Variants in TLN2 observed in about 807,000 individuals in gnomAD.
TLN2 encodes talin-2.
Under a neutral mutation model 294.7 loss-of-function variants are expected in TLN2, and 118 were observed. That is an observed-to-expected ratio of 0.40 (90% confidence interval 0.34 to 0.47). The LOEUF is 0.47. Ranked by LOEUF, TLN2 falls within the 20% of genes least tolerant of loss-of-function variation. The probability of loss-of-function intolerance (pLI) is 0.84; values close to 1 mark genes in which losing one functional copy is unlikely to be tolerated. For synonymous variants in TLN2, 1,431 were observed against 1,304.5 expected (o/e 1.10, Z -2.09); for missense variants, 3,083 against 3,282.2 (o/e 0.94, Z 1.48).
chr15:62,522,723 A>AT (rs2040522512), intron 1 of TLN2, among the ~76,000 whole-genome samples: 1 of 151,434 alleles, frequency 6.6e-6, no homozygotes, highest in Non-Finnish European at 1.5e-5. Flanking sequence ...TTCTTGTTGT[A>AT]TTTTTTTCTG....
chr15:62,533,034 G>A (rs1441403015), intron 1 of TLN2, among the ~76,000 whole-genome samples: 1 of 151,880 alleles, frequency 6.6e-6, no homozygotes, highest in Non-Finnish European at 1.5e-5. Flanking sequence ...CAGGCGCATC[G>A]CTTGAGGTCA....
At chr15:62,490,039 G>C (rs1184026140) in intron 1 of TLN2, among the ~76,000 whole-genome samples, 3 of 152,152 alleles carry the variant, frequency 2.0e-5, no homozygotes, top group Non-Finnish European at 4.4e-5. Flanking sequence ...CATTGCATTC[G>C]GGGGTAATTT....
At chr15:62,789,744 G>C (rs2064945634) in intron 45 of TLN2, among the ~76,000 whole-genome samples, 1 of 152,236 alleles carries the variant, frequency 6.6e-6, no homozygotes, top group Non-Finnish European at 1.5e-5. Context: ...GGAGTGCACA[G>C]AGAAGTTTGA....
chr15:62,453,791 G>A (rs965922115), intron 1 of TLN2: 1 of 152,422 alleles, frequency 6.6e-6, no homozygotes, highest in African/African-American at 2.4e-5. Context: ...CTGTGTGGCT[G>A]TTTTTCACTT....
chr15:62,435,827 C>T (rs916772796), intron 1 of TLN2, among the ~76,000 whole-genome samples: 1 of 152,214 alleles, frequency 6.6e-6, no homozygotes, highest in African/African-American at 2.4e-5. Flanking sequence ...CAGGCGTGAG[C>T]CACCATGCCA....
At chr15:62,797,105 CT>C (rs1395693210) in intron 47 of TLN2, 113 bp from the exon 48 acceptor site, 43 of 1,181,088 alleles carry the variant, frequency 3.6e-5, no homozygotes, top group Non-Finnish European at 4.9e-5. Context: ...CAGCACTTCT[CT>C]TCTTCAAAGC....
intron 8 of TLN2, among the ~76,000 whole-genome samples, chr15:62,657,277 T>C (rs79844294): frequency 0.013 from 2,002 of 152,158 alleles, 38 homozygotes; most frequent in African/African-American, 0.045. Flanking sequence ...GAGTATTGAG[T>C]TCTTGTCTGT....
chr15:62,489,120 C>G (rs1019794915), intron 1 of TLN2, among the ~76,000 whole-genome samples: 2 of 152,088 alleles, frequency 1.3e-5, no homozygotes, highest in South Asian at 2.1e-4. Flanking sequence ...GAGATTGTGC[C>G]GCTGCACTCC....
chr15:62,825,572 G>T (rs2067977088), intron 54 of TLN2, among the ~76,000 whole-genome samples: 2 of 149,786 alleles, frequency 1.3e-5, no homozygotes, highest in African/African-American at 5.0e-5. Flanking sequence ...GTATGGGGCC[G>T]GGCATGGTGG....
At chr15:62,523,797 G>T (rs938387310) in intron 1 of TLN2, among the ~76,000 whole-genome samples, 1 of 152,226 alleles carries the variant, frequency 6.6e-6, no homozygotes, top group Non-Finnish European at 1.5e-5. Context: ...AGGCAGTGTT[G>T]TGTGGGCCAC....
At chr15:62,537,201 G>A (rs747056985) in intron 1 of TLN2, among the ~76,000 whole-genome samples, 3 of 152,042 alleles carry the variant, frequency 2.0e-5, no homozygotes, top group Non-Finnish European at 2.9e-5. Context: ...TATATTTTTA[G>A]TACAGATGGG....
intron 40 of TLN2, among the ~76,000 whole-genome samples, chr15:62,765,673 A>G (rs2062953814): frequency 1.3e-5 from 2 of 152,226 alleles, no homozygotes; most frequent in Admixed American, 6.5e-5. Context: ...AATCATCTAG[A>G]TATCTTTCTC....
intron 26 of TLN2, 87 bp from the exon 27 acceptor site, chr15:62,724,889 C>G: frequency 1.3e-6 from 2 of 1,505,404 alleles, no homozygotes; most frequent in Admixed American, 3.9e-5. Flanking sequence ...CTGGGTATAT[C>G]CAGAAGGGCA....
Position 62,657,764 on chromosome 15 carries a change from G to C in TLN2, c.661-7G>C. 6.2e-7 allele frequency: 1 copy of C among 1,609,262 alleles called. No homozygotes were observed. The highest frequency in any genetic ancestry group is 8.5e-7 in the Non-Finnish European group (1 of 1,178,714). ...CTCTGATGCTTTTCCTTCCTCTTGTGTTTCAGGCACGGGATGACATCCTGA... is the reference window on the plus strand; with the variant it reads ...CTCTGATGCTTTTCCTTCCTCTTGTCTTTCAGGCACGGGATGACATCCTGA... On this transcript the variant is annotated splice_region_variant and splice_polypyrimidine_tract_variant and intron_variant, in intron 8 of 58. Transcript: ENST00000636159.
intron 44 of TLN2, among the ~76,000 whole-genome samples, chr15:62,782,338 A>T (rs1046032179): frequency 5.3e-5 from 8 of 152,208 alleles, no homozygotes; most frequent in African/African-American, 1.9e-4. Context: ...AGCTGAGCCC[A>T]GTCTTGTCCT....
rs68158506 is a variant in TLN2 at position 62,564,941 on chromosome 15, T to TATAC, written c.-237-24745_-237-24744insTACA. Among the ~76,000 whole-genome samples, 87 of 138,282 alleles carry TATAC rather than the reference T, an allele frequency of 6.3e-4. 2 individuals carry two copies. Among genetic ancestry groups the TATAC allele is most frequent in the African/African-American group, 7.6e-4 (28 of 36,886 alleles). 90.7% of individuals were successfully genotyped at this position (138,282 alleles called of 152,430 possible). A position where few individuals can be genotyped will look rare whatever the true frequency, so the allele number is the denominator to read the frequency against. ...AAAAAAAAAAATATATATATATATATACTGCATTCCCCCCACTGACACACA... is the reference window on the plus strand; with the variant it reads ...AAAAAAAAAAATATATATATATATATATACACTGCATTCCCCCCACTGACACACA... On this transcript the variant is annotated intron_variant, in intron 1 of 58. Coordinates refer to ENST00000636159, the MANE Select transcript of TLN2 (RefSeq NM_015059.3).
intron 1 of TLN2, among the ~76,000 whole-genome samples, chr15:62,587,809 C>G (rs761187230): frequency 3.2e-4 from 48 of 152,174 alleles, no homozygotes; most frequent in Non-Finnish European, 4.6e-4. Context: ...GTGCCTATAA[C>G]ATTGGTTATT....
chr15:62,766,362 A>C lies in TLN2; in HGVS notation c.5136A>C (p.Gly1712=). Residue 1712 remains glycine, a synonymous_variant, in exon 41 of 59, where the codon GGA becomes GGC. Coordinates refer to ENST00000636159, the MANE Select transcript of TLN2 (RefSeq NM_015059.3). Reference sequence around the variant, plus strand: ...TGACTTCGGTGGTCCAGGAAATCGGACACCTTATCGATCCCATCGCCACAG... The same window carrying C: ...TGACTTCGGTGGTCCAGGAAATCGGCCACCTTATCGATCCCATCGCCACAG... The part of the protein sequence containing the change: ...EQLTSVVQEI[G]HLIDPIATAA... The C allele has an allele frequency of 6.2e-7, 1 of 1,613,408 alleles. No individual in the cohort carries two copies. Among genetic ancestry groups the C allele is most frequent in the Non-Finnish European group, 8.5e-7 (1 of 1,179,408 alleles).
At chr15:62,609,086 A>C (rs1413633335) in intron 2 of TLN2, among the ~76,000 whole-genome samples, 1 of 151,924 alleles carries the variant, frequency 6.6e-6, no homozygotes, top group Admixed American at 6.6e-5. Flanking sequence ...TAGATGAAGA[A>C]ACAAAAATGA....
Sources: allele counts gnomAD v4.1 joint callset (sites outside exome capture counted in the v4.1 genomes callset), GRCh38; gene constraint gnomAD v4.1.1; transcripts MANE v1.5; gene names NCBI Gene and HGNC (gene_info 2026-07-23, HGNC 2026-07-21).